PDZD2: variants seen among roughly 807,000 people sequenced by gnomAD.
PDZD2 encodes the protein PDZ domain-containing protein 2.
Under a neutral mutation model 220.7 loss-of-function variants are expected in PDZD2, and 90 were observed. That is an observed-to-expected ratio of 0.41 (90% CI 0.34 to 0.49). The LOEUF is 0.49. PDZD2 is among the 20% of genes least tolerant of loss of function. The pLI is 0.28. For missense variants in PDZD2, 3,174 were observed against 3,608.5 expected (o/e 0.88, Z 3.08); for synonymous variants, 1,375 against 1,450.5 (o/e 0.95, Z 1.18).
At chr5:31,967,461 T>TGCCAGCACATTTGTGAGA (rs762295065) in intron 2 of PDZD2, among the ~76,000 whole-genome samples, 2 of 152,198 alleles carry the variant, frequency 1.3e-5, no homozygotes, top group Non-Finnish European at 2.9e-5. Flanking sequence ...ATGGCAAATG[T>TGCCAGCACATTTGTGAGA]GCCAGCAGCT....
chr5:31,726,008 C>G (rs1300466642), intron 1 of PDZD2: 1 of 436,764 alleles, frequency 2.3e-6, no homozygotes, highest in African/African-American at 2.0e-5. Context: ...CCTGCAGATG[C>G]ATAATGGAGT....
intron 2 of PDZD2, among the ~76,000 whole-genome samples, chr5:31,882,460 G>A (rs141039970): frequency 1.5e-3 from 225 of 152,224 alleles, no homozygotes; most frequent in African/African-American, 5.2e-3. Flanking sequence ...ATAAAGAAGG[G>A]GAGAGGGAGG....
chr5:31,768,316 G>T (rs1752145617), intron 1 of PDZD2, among the ~76,000 whole-genome samples: 1 of 152,140 alleles, frequency 6.6e-6, no homozygotes, highest in South Asian at 2.1e-4. Flanking sequence ...GCTGCAGTGG[G>T]AACTAGAGAT....
chr5:31,840,818 C>T (rs568532817), intron 2 of PDZD2: 37 of 756,616 alleles, frequency 4.9e-5, no homozygotes, highest in East Asian at 2.5e-4. Context: ...ACCTGTGGGG[C>T]GTTCCTTTTT....
chr5:31,793,722 G>A (rs1753847864), intron 1 of PDZD2, among the ~76,000 whole-genome samples: 1 of 152,204 alleles, frequency 6.6e-6, no homozygotes, highest in South Asian at 2.1e-4. Context: ...GCTGAGAATC[G>A]CTTGAAACCG....
chr5:31,907,984 G>A (rs1742810323), intron 2 of PDZD2, among the ~76,000 whole-genome samples: 2 of 150,846 alleles, frequency 1.3e-5, no homozygotes, highest in Admixed American at 6.6e-5. Flanking sequence ...TCAGGAGGCC[G>A]AGGCAGGAGA....
intron 18 of PDZD2, among the ~76,000 whole-genome samples, chr5:32,076,055 G>A (rs1183532891): frequency 6.6e-6 from 1 of 152,160 alleles, no homozygotes; most frequent in Non-Finnish European, 1.5e-5. Flanking sequence ...GGATGCTGAG[G>A]CAGGTGGATC....
chr5:31,758,117 G>C (rs1401114606), intron 1 of PDZD2, among the ~76,000 whole-genome samples: 1 of 152,222 alleles, frequency 6.6e-6, no homozygotes, highest in Non-Finnish European at 1.5e-5. Context: ...AGCTCCCAGG[G>C]TTTTTCAGGT....
chr5:31,949,192 G>A (rs1746951902), intron 2 of PDZD2, among the ~76,000 whole-genome samples: 1 of 151,514 alleles, frequency 6.6e-6, no homozygotes, highest in South Asian at 2.1e-4. Flanking sequence ...GAATCTTGGA[G>A]CAGTAGAAGG....
rs374749952 is a variant in PDZD2, at chr5:32,090,664, G to A, written c.7216G>A (p.Glu2406Lys). The part of the protein sequence containing the change: ...SLSSCSENQS[E>K]AGTLLPQMAK... Reference sequence around the variant, plus strand: ...GAGTTCCTGCAGCGAAAACCAAAGCGAAGCCGGCACCCTCCTGCCCCAGAT... The same window carrying A: ...GAGTTCCTGCAGCGAAAACCAAAGCAAAGCCGGCACCCTCCTGCCCCAGAT... The change falls in exon 20 of 25, where the codon GAA (glutamate) becomes AAA (lysine). Residue 2406 changes from glutamate to lysine, a missense_variant. Physicochemically the swap from Glu to Lys is moderately conservative, Grantham distance 56 (BLOSUM62 1). Transcript: ENST00000438447. This position sits in a 1 kb window ranked among gnomAD's most constrained non-coding sequence, Gnocchi z 4.3. 3.1e-5 allele frequency: 50 copies of A among 1,613,964 alleles called. No homozygotes were observed. The highest frequency in any genetic ancestry group is 3.9e-5 in the Non-Finnish European group (46 of 1,180,014).
intron 2 of PDZD2, among the ~76,000 whole-genome samples, chr5:31,889,941 G>T (rs2150346548): frequency 6.6e-6 from 1 of 152,026 alleles, no homozygotes; most frequent in South Asian, 2.1e-4. Flanking sequence ...AGAATTGCTT[G>T]AACCCGGGGG....
At chr5:32,093,227 T>A (rs535399024) in intron 21 of PDZD2, among the ~76,000 whole-genome samples, 1 of 152,198 alleles carries the variant, frequency 6.6e-6, no homozygotes, top group Non-Finnish European at 1.5e-5. Flanking sequence ...TTGTCTTGAA[T>A]GTTCAGGTGC....
intron 1 of PDZD2, among the ~76,000 whole-genome samples, chr5:31,757,770 A>G (rs1218881945): frequency 1.3e-5 from 2 of 152,154 alleles, no homozygotes; most frequent in Non-Finnish European, 2.9e-5. Context: ...AGGACAAGTC[A>G]AAACACTGGA....
chr5:32,074,066 G>A lies in PDZD2; in HGVS notation c.2960G>A (p.Gly987Glu), dbSNP rs767700466. 4 of 1,613,986 alleles carry A rather than the reference G, an allele frequency of 2.5e-6. No individual in the cohort carries two copies. In the African/African-American group the frequency reaches 4.0e-5, roughly 16 times the overall value. Reference protein sequence around the residue: ...DREGDCISLPGALPGPIRPLS... With the variant: ...DREGDCISLPEALPGPIRPLS... ...GAAGGGGACTGCATTTCACTCCCAG[G>A]GGCCCTCCCGGGTCCCATCAGGCCT... Residue 987 changes from glycine (G) to glutamate (E), a missense_variant, in exon 18 of 25, where the codon GGG (glycine) becomes GAG (glutamate). Around this residue, in one of 4 missense-constraint regions of PDZD2, gnomAD observed 1,861 missense variants for 2,001.0 expected, o/e 0.93. Coordinates refer to ENST00000438447, the MANE Select transcript of PDZD2 (RefSeq NM_178140.4).
At chr5:32,025,514 A>C (rs1446754637) in intron 6 of PDZD2, among the ~76,000 whole-genome samples, 1 of 106,750 alleles carries the variant, frequency 9.4e-6, no homozygotes, top group African/African-American at 3.5e-5. Context: ...AACAAGAGTG[A>C]AACTCTGTCA....
intron 2 of PDZD2, among the ~76,000 whole-genome samples, chr5:31,896,364 GTGTA>G (rs1289458141): frequency 3.8e-4 from 55 of 146,084 alleles, no homozygotes; most frequent in Middle Eastern, 3.6e-3. Context: ...GTGTGTGTGT[GTGTA>G]TGTGTGTGTG....
chr5:31,943,182 A>C (rs2111554648), intron 2 of PDZD2, among the ~76,000 whole-genome samples: 1 of 150,450 alleles, frequency 6.6e-6, no homozygotes, highest in South Asian at 2.1e-4. Context: ...CAGCCTGGGC[A>C]ACAGAGCAAG....
At position 32,025,591 on chromosome 5, in the gene PDZD2, C is replaced by CTTTTTTTTTTTTTTT. The variant is rs70957998; in HGVS notation, c.1408-11626_1408-11612dup. On this transcript the variant is annotated intron_variant, in intron 6 of 24. Transcript: ENST00000438447. ...AGTGAGCCCAAATGTAACCATGATG[C>CTTTTTTTTTTTTTTT]TTTTTTTTTTTTTTTTTTTTTTTTT... 8.7e-4 allele frequency among the ~76,000 whole-genome samples: 59 copies of CTTTTTTTTTTTTTTT among 67,516 alleles called. 12 individuals carry two copies. Among genetic ancestry groups the CTTTTTTTTTTTTTTT allele is most frequent in the African/African-American group, 2.6e-3 (39 of 15,242 alleles). 44.3% of individuals were successfully genotyped at this position (67,516 alleles called of 152,430 possible).
intron 2 of PDZD2, among the ~76,000 whole-genome samples, chr5:31,892,607 A>G (rs1425013886): frequency 1.3e-5 from 2 of 150,812 alleles, no homozygotes; most frequent in Non-Finnish European, 3.0e-5. Context: ...TTGCCCTGTC[A>G]CCCAGGCTGG....
Sources: allele counts gnomAD v4.1 joint callset (sites outside exome capture counted in the v4.1 genomes callset), GRCh38; gene constraint gnomAD v4.1.1; regional missense constraint gnomAD v4.1.1; non-coding constraint Gnocchi (gnomAD v3.1); transcripts MANE v1.5; gene names NCBI Gene and HGNC (gene_info 2026-07-23, HGNC 2026-07-21).